Variants in SLC37A3 observed in about 807,000 individuals in gnomAD.
The protein encoded by SLC37A3 is solute carrier family 37 member 3.
SLC37A3 carries 51 observed loss-of-function variants against 67.1 expected under a neutral mutation model. That is an observed-to-expected ratio of 0.76 (90% confidence interval 0.61 to 0.96). The LOEUF is 0.96. Among genes scored for constraint, SLC37A3 ranks in the 40% least tolerant of loss-of-function variants. The probability of loss-of-function intolerance (pLI) is 0.00; values close to 1 mark genes in which losing one functional copy is unlikely to be tolerated. For missense variants in SLC37A3, 508 were observed against 603.0 expected, an observed-to-expected ratio of 0.84 and a Z score of 1.65; for synonymous variants, 214 against 231.4, an observed-to-expected ratio of 0.92 and a Z score of 0.68.
chr7:140,358,920 G>T (rs1191475163), intron 5 of SLC37A3, 135 bp from the exon 6 acceptor site: 39 of 1,118,358 alleles, frequency 3.5e-5, no homozygotes, highest in Non-Finnish European at 1.3e-6. Context: ...TAAGTCACGT[G>T]GCCAGCATCA....
chr7:140,349,978 A>G (rs1210654926), intron 9 of SLC37A3, among the ~76,000 whole-genome samples: 1 of 152,220 alleles, frequency 6.6e-6, no homozygotes, highest in African/African-American at 2.4e-5. Context: ...GAATTGTGGA[A>G]AATTACATTT....
chr7:140,359,329 C>T (rs1415400019), intron 5 of SLC37A3, among the ~76,000 whole-genome samples: 2 of 142,744 alleles, frequency 1.4e-5, no homozygotes, highest in Non-Finnish European at 3.0e-5. Context: ...CGCGGGAGTG[C>T]GAGACTCTGT....
chr7:140,361,514 TCC>T (rs1563027280), intron 5 of SLC37A3, among the ~76,000 whole-genome samples: 2 of 48,446 alleles, frequency 4.1e-5, no homozygotes, highest in Non-Finnish European at 3.9e-5. Context: ...CCCCTCCCCC[TCC>T]CCCTCCCCCT....
intron 2 of SLC37A3, 109 bp from the exon 3 acceptor site, chr7:140,380,499 G>T: frequency 1.3e-6 from 1 of 764,548 alleles, no homozygotes; most frequent in Non-Finnish European, 2.1e-6. Flanking sequence ...TATTTTATTT[G>T]GTGGGCAGCC....
At chr7:140,390,718 C>T (rs1158569380) in intron 1 of SLC37A3, among the ~76,000 whole-genome samples, 1 of 152,094 alleles carries the variant, frequency 6.6e-6, no homozygotes, top group Non-Finnish European at 1.5e-5. Context: ...TCTCCTCCAT[C>T]CCCCAATAAA....
intron 5 of SLC37A3, among the ~76,000 whole-genome samples, chr7:140,361,948 T>A (rs1449636847): frequency 6.9e-6 from 1 of 144,864 alleles, no homozygotes; most frequent in Admixed American, 6.8e-5. Flanking sequence ...AGTGCCGAGA[T>A]TGCAGCCTCT....
chr7:140,382,634 T>A, intron 1 of SLC37A3, 38 bp from the exon 2 acceptor site: 2 of 895,678 alleles, frequency 2.2e-6, no homozygotes, highest in Non-Finnish European at 3.5e-6. Context: ...TTATTAAACA[T>A]AGGCAGAGTA....
In SLC37A3 at chr7:140,351,278, T is replaced by C. The variant is rs770395983; in HGVS notation, c.877A>G (p.Ile293Val). 1.9e-6 allele frequency: 3 copies of C among 1,613,844 alleles called. No individual in the cohort carries two copies. Among genetic ancestry groups the C allele is most frequent in the African/African-American group, 1.3e-5 (1 of 74,932 alleles). ...FYQACCLPGV[I>V]PYSLAYACLK... is the part of the protein sequence containing the mutation. ...AAGATGTAAGCGGTCCTTACCGGTA[T>C]GACTCCAGGAAGGCAACATGCCTGG... The change falls in exon 9 of 15, where the codon ATA becomes GTA. Residue 293 changes from isoleucine (I) to valine (V), a missense_variant. Transcript: ENST00000326232.
intron 4 of SLC37A3, 93 bp from the exon 5 acceptor site, chr7:140,364,584 A>T: frequency 8.7e-7 from 1 of 1,148,938 alleles, no homozygotes; most frequent in Non-Finnish European, 1.3e-6. Context: ...AAACACAGAT[A>T]TTATTTAAAA....
At chr7:140,339,802 T>C (rs1036281425) in intron 13 of SLC37A3, among the ~76,000 whole-genome samples, 8 of 151,124 alleles carry the variant, frequency 5.3e-5, no homozygotes, top group African/African-American at 1.9e-4. Flanking sequence ...AGTGGCACAA[T>C]CTCAGCTCAC....
intron 10 of SLC37A3, among the ~76,000 whole-genome samples, chr7:140,346,729 C>G (rs1355365575): frequency 2.7e-5 from 4 of 150,880 alleles, no homozygotes. Flanking sequence ...GTGCCCTTAT[C>G]TCTATAAAAG....
chr7:140,340,518 CTA>C (rs1796319431), intron 13 of SLC37A3, among the ~76,000 whole-genome samples: 1 of 152,002 alleles, frequency 6.6e-6, no homozygotes, highest in South Asian at 2.1e-4. Context: ...TGCAGAACGA[CTA>C]TGTGATTTAT....
chr7:140,343,440 G>A lies in SLC37A3; in HGVS notation c.1298C>T (p.Ser433Leu), dbSNP rs535339138. The A allele has an allele frequency of 1.2e-5, 19 of 1,613,844 alleles. No individual in the cohort carries two copies. The highest frequency in any genetic ancestry group is 8.8e-5 in the South Asian group (8 of 91,062). Residue 433 changes from serine (S) to leucine (L), a missense_variant, in exon 13 of 15, where the codon TCG becomes TTG. Coordinates refer to ENST00000326232, the MANE Select transcript of SLC37A3 (RefSeq NM_207113.3). ...GCCCACTGCAGCTCCAATGCTCCCC[G>A]AACCATCCACAATTCCTGTGACAGT... ...LATVTGIVDGSGSIGAAVGQY... is the reference protein window; with the variant it reads ...LATVTGIVDGLGSIGAAVGQY...
At chr7:140,379,003 C>T (rs573257824) in intron 3 of SLC37A3, among the ~76,000 whole-genome samples, 8 of 151,952 alleles carry the variant, frequency 5.3e-5, no homozygotes, top group East Asian at 2.0e-4. Context: ...GCCGAGATCA[C>T]GCCTGACTTC....
At chr7:140,395,428 C>T (rs1226697920) in intron 1 of SLC37A3, among the ~76,000 whole-genome samples, 1 of 145,972 alleles carries the variant, frequency 6.9e-6, no homozygotes, top group East Asian at 2.0e-4. Flanking sequence ...TAAAAATAGG[C>T]TGGGTGCGGT....
intron 1 of SLC37A3, among the ~76,000 whole-genome samples, chr7:140,388,022 T>A (rs1798575617): frequency 7.0e-6 from 1 of 143,714 alleles, no homozygotes; most frequent in Admixed American, 7.6e-5. Context: ...GTCACCATAT[T>A]GTACAATAGA....
At chr7:140,382,082 AT>A (rs1798280118) in intron 2 of SLC37A3, among the ~76,000 whole-genome samples, 3 of 151,646 alleles carry the variant, frequency 2.0e-5, no homozygotes, top group Admixed American at 2.0e-4. Context: ...AAAAAAATAG[AT>A]CAGGGCTTCT....
At position 140,380,899 on chromosome 7, in the gene SLC37A3, T is replaced by TCTTC. The variant is rs1554432988; in HGVS notation, c.90-510_90-509insGAAG. On this transcript the variant is annotated intron_variant, in intron 2 of 14. Transcript: ENST00000326232. ...ACAATTTTAGAATTCTTCTTCTTCT[T>TCTTC]TTTTTTTTTTTTTTTGAGACAGAGT... Among the ~76,000 whole-genome samples the TCTTC allele has an allele frequency of 6.4e-5, 9 of 140,356 alleles. No individual in the cohort carries two copies. The East Asian group carries it at 1.1e-3, about 17-fold the overall frequency. The allele number at this position is 140,356 out of a possible 152,430, so 92.1% of individuals were successfully genotyped here.
chr7:140,391,651 G>T (rs1798729735), intron 1 of SLC37A3, among the ~76,000 whole-genome samples: 1 of 152,150 alleles, frequency 6.6e-6, no homozygotes, highest in Non-Finnish European at 1.5e-5. Flanking sequence ...AAGGAGTCAG[G>T]CTGGTGGGAT....
Sources: gnomAD v4.1 joint callset for allele counts (sites outside exome capture counted in the v4.1 genomes callset) on GRCh38, gnomAD v4.1.1 for gene constraint, MANE v1.5 for transcripts, NCBI Gene and HGNC (gene_info 2026-07-23, HGNC 2026-07-21) for gene names.